Variants in SPDYA observed in about 807,000 individuals in gnomAD.
SPDYA encodes the protein speedy/RINGO cell cycle regulator family member A, also known as speedy protein A.
In SPDYA, 11 loss-of-function variants were observed where a neutral mutation model predicts 36.7. The observed-to-expected ratio is 0.30, with a 90% CI of 0.19 to 0.50. The LOEUF is 0.50. Ranked by LOEUF, SPDYA falls within the 20% of genes least tolerant of loss-of-function variation. The probability of loss-of-function intolerance (pLI) is 0.98; values close to 1 mark genes in which losing one functional copy is unlikely to be tolerated. For missense variants in SPDYA, 287 were observed against 370.9 expected, an observed-to-expected ratio of 0.77 and a Z score of 1.86; for synonymous variants, 115 against 118.7, an observed-to-expected ratio of 0.97 and a Z score of 0.20.
Position 28,840,420 on chromosome 2 carries a change from G to C in SPDYA, c.801G>C (p.Leu267=). ...ATTCTCAGGACTCATACAACTCACT[G>C]TCAATGGACATAATAGGTGATCCTT... The part of the protein sequence containing the change: ...EKHSQDSYNS[L]SMDIIGDPSQ... Residue 267 remains leucine, a synonymous_variant, in exon 7 of 8, where the codon CTG becomes CTC. Coordinates refer to ENST00000334056, the MANE Select transcript of SPDYA (RefSeq NM_182756.4). 6.2e-7 allele frequency: 1 copy of C among 1,614,026 alleles called. No individual in the cohort carries two copies. The highest frequency in any genetic ancestry group is 8.5e-7 in the Non-Finnish European group (1 of 1,179,966).
chr2:28,846,073 A>G (rs1668867385), intron 7 of SPDYA, among the ~76,000 whole-genome samples: 2 of 152,050 alleles, frequency 1.3e-5, no homozygotes, highest in South Asian at 4.1e-4. Context: ...GTATACCTAA[A>G]TTTCCCTCTA....
intron 7 of SPDYA, among the ~76,000 whole-genome samples, chr2:28,846,627 T>C (rs1045771092): frequency 1.3e-5 from 2 of 151,914 alleles, no homozygotes; most frequent in African/African-American, 4.8e-5. Flanking sequence ...AACATACTTA[T>C]TGTTTGGAGG....
At chr2:28,819,847 AAAATATATATATAT>A (rs1668102670) in intron 4 of SPDYA, among the ~76,000 whole-genome samples, 1 of 19,526 alleles carries the variant, frequency 5.1e-5, no homozygotes, top group South Asian at 2.4e-3. Context: ...AAAAAAAAAA[AAAATATATATATAT>A]ATATATATAT....
At chr2:28,825,196 C>T (rs529914903) in intron 5 of SPDYA, among the ~76,000 whole-genome samples, 3 of 151,838 alleles carry the variant, frequency 2.0e-5, no homozygotes, top group African/African-American at 7.2e-5. Context: ...GTTTATATAT[C>T]TCAGTATTGT....
At chr2:28,849,788 TA>T (rs1330411467) in intron 7 of SPDYA, 61 bp from the exon 8 acceptor site, 13 of 933,586 alleles carry the variant, frequency 1.4e-5, no homozygotes, top group Non-Finnish European at 2.0e-5. Flanking sequence ...CAAGCCATTA[TA>T]AGATGTATTT....
intron 6 of SPDYA, among the ~76,000 whole-genome samples, chr2:28,838,864 C>G (rs533129655): frequency 1.1e-4 from 17 of 152,258 alleles, no homozygotes; most frequent in African/African-American, 4.1e-4. Context: ...GGCCATTGCA[C>G]CTGGACTTTC....
rs187664077 is a variant in SPDYA, at chr2:28,813,211, A to G, written c.-92-1402A>G. ...TTCTCATTCAGTTTTCTGAAATTGT[A>G]TGGGAAATATCCCAACACATACATA... is the stretch of plus-strand genomic sequence containing the variant. On this transcript the variant is annotated intron_variant, in intron 1 of 7. Transcript: ENST00000334056. Among the ~76,000 whole-genome samples, 4 of 152,340 alleles carry G rather than the reference A, an allele frequency of 2.6e-5. No individual in the cohort carries two copies. The East Asian group carries it at 5.8e-4, about 22-fold the overall frequency.
chr2:28,821,009 A>G (rs895478962), intron 4 of SPDYA, among the ~76,000 whole-genome samples: 2 of 152,098 alleles, frequency 1.3e-5, no homozygotes, highest in Admixed American at 6.6e-5. Context: ...ACCAAAAACG[A>G]TTATTTTGAA....
rs140527183 is a variant in SPDYA at position 28,847,779 on chromosome 2, A to C, written c.851-2071A>C. 1.5e-3 allele frequency among the ~76,000 whole-genome samples: 230 copies of C among 150,460 alleles called. 2 individuals are homozygous for C. The highest frequency in any genetic ancestry group is 0.012 in the Admixed American group (181 of 15,224). ...AAAAGAAAAAGAAAAAGAAAAGAAA[A>C]GAAGAAGGATGGAAGGAAAGATTAT... On this transcript the variant is annotated intron_variant, in intron 7 of 7. Transcript: ENST00000334056.
chr2:28,841,500 A>G (rs1668749520), intron 7 of SPDYA, among the ~76,000 whole-genome samples: 1 of 152,046 alleles, frequency 6.6e-6, no homozygotes, highest in Non-Finnish European at 1.5e-5. Context: ...AGCCTTCCAG[A>G]TTTTCACCCA....
At chr2:28,819,761 A>T (rs1483784733) in intron 4 of SPDYA, among the ~76,000 whole-genome samples, 1 of 143,208 alleles carries the variant, frequency 7.0e-6, no homozygotes, top group Admixed American at 7.0e-5. Context: ...AGGCGAGAGG[A>T]TCACTTAAGC....
intron 1 of SPDYA, among the ~76,000 whole-genome samples, chr2:28,812,247 C>G (rs147034770): frequency 2.3e-4 from 35 of 152,214 alleles, no homozygotes; most frequent in African/African-American, 8.4e-4. Context: ...CACATATTCT[C>G]TGTGTGTGAC....
intron 6 of SPDYA, among the ~76,000 whole-genome samples, chr2:28,831,679 CT>C (rs1234563558): frequency 6.6e-6 from 1 of 152,182 alleles, no homozygotes; most frequent in Non-Finnish European, 1.5e-5. Context: ...ATCTAGTACA[CT>C]TCTAATATCT....
At chr2:28,835,262 G>A (rs34131899) in intron 6 of SPDYA, among the ~76,000 whole-genome samples, 4,752 of 145,564 alleles carry the variant, frequency 0.033, 111 homozygotes, top group Non-Finnish European at 0.048. Flanking sequence ...GTTTCATTCT[G>A]TCACCCAGGC....
chr2:28,843,798 G>A (rs1006183537), intron 7 of SPDYA, among the ~76,000 whole-genome samples: 2 of 152,036 alleles, frequency 1.3e-5, no homozygotes, highest in Non-Finnish European at 2.9e-5. Flanking sequence ...AACAAGATGG[G>A]AACCCAGTTC....
In SPDYA at chr2:28,850,102, A is replaced by G. The variant is rs1412066333; in HGVS notation, c.*161A>G. 1.6e-6 allele frequency: 2 copies of G among 1,249,448 alleles called. No individual in the cohort carries two copies. Among genetic ancestry groups the G allele is most frequent in the Non-Finnish European group, 2.3e-6 (2 of 873,704 alleles). The allele number at this position is 1,249,448 out of a possible 1,614,324, so 77.4% of individuals were successfully genotyped here. On this transcript the variant is annotated 3_prime_UTR_variant, in exon 8 of 8. Transcript: ENST00000334056. ...TATAAGTTATATAAGTCATAGTAAT[A>G]GCTAAAAATGCCAATCTATGGAAGC...
intron 1 of SPDYA, among the ~76,000 whole-genome samples, chr2:28,812,731 C>T (rs1345829659): frequency 6.6e-6 from 1 of 151,904 alleles, no homozygotes; most frequent in South Asian, 2.1e-4. Flanking sequence ...GTGGCAGGCT[C>T]CTGTAATCCC....
At chr2:28,826,553 G>T (rs1668323911) in intron 5 of SPDYA, among the ~76,000 whole-genome samples, 1 of 149,446 alleles carries the variant, frequency 6.7e-6, no homozygotes, top group East Asian at 2.0e-4. Flanking sequence ...AACTTGTTAT[G>T]CCTCGCTCGG....
chr2:28,840,774 G>C, intron 7 of SPDYA: 1 of 1,051,516 alleles, frequency 9.5e-7, no homozygotes, highest in Non-Finnish European at 1.2e-6. Flanking sequence ...AGGGTTTCAA[G>C]AAGAAAATAA....
Sources: allele counts gnomAD v4.1 joint callset (sites outside exome capture counted in the v4.1 genomes callset), GRCh38; gene constraint gnomAD v4.1.1; transcripts MANE v1.5; gene names NCBI Gene and HGNC (gene_info 2026-07-23, HGNC 2026-07-21).